The following IQCH variants were observed in gnomAD, a reference collection of about 807,000 sequenced individuals.
IQCH encodes the protein IQ motif containing H.
Under a neutral mutation model 117.0 loss-of-function variants are expected in IQCH, and 98 were observed. The observed-to-expected ratio is 0.84, with a 90% CI of 0.71 to 0.99. IQCH has a LOEUF of 0.99. IQCH is among the 50% of genes least tolerant of loss of function. The pLI, the probability that IQCH is intolerant of heterozygous loss-of-function variation, is 0.00. For synonymous variants in IQCH, 412 were observed against 448.2 expected, an observed-to-expected ratio of 0.92 and a Z score of 1.02; for missense variants, 1,102 against 1,243.8, an observed-to-expected ratio of 0.89 and a Z score of 1.72.
chr15:67,362,136 A>G (rs1214855302), intron 8 of IQCH, among the ~76,000 whole-genome samples: 1 of 98,678 alleles, frequency 1.0e-5, no homozygotes, highest in African/African-American at 3.7e-5. Flanking sequence ...TATAACATAC[A>G]TATACGCACA....
rs1478322917 is a variant in IQCH, at chr15:67,425,739, C to T, written c.2505+4162C>T. Among the ~76,000 whole-genome samples the T allele has an allele frequency of 1.3e-5, 2 of 152,122 alleles. No individual in the cohort carries two copies. Among genetic ancestry groups the T allele is most frequent in the African/African-American group, 2.4e-5 (1 of 41,426 alleles). ...CAGAAAACTTAGCATCCATTGGCAA[C>T]TTTTTCCACTACCACTACGATAGTG... On this transcript the variant is annotated intron_variant, in intron 16 of 20. Coordinates refer to ENST00000335894, the MANE Select transcript of IQCH (RefSeq NM_001031715.3). This position sits in a 1 kb window ranked among gnomAD's most constrained non-coding sequence, Gnocchi z 5.5.
In IQCH at chr15:67,470,083, G is replaced by A. The variant is rs558976882; in HGVS notation, c.2676+4786G>A. ...TATTGCCATTATCCATTGGCTTCTCGTCTGCTCTGAGCTCAGCCTCAGCTT... is the reference window on the plus strand; with the variant it reads ...TATTGCCATTATCCATTGGCTTCTCATCTGCTCTGAGCTCAGCCTCAGCTT... On this transcript the variant is annotated intron_variant, in intron 17 of 20. Transcript: ENST00000335894. Among the ~76,000 whole-genome samples, 7 of 152,324 alleles carry A rather than the reference G, an allele frequency of 4.6e-5. No individual in the cohort carries two copies. In the East Asian group the frequency reaches 5.8e-4, roughly 13 times the overall value.
chr15:67,480,028 G>C (rs1290176717), intron 18 of IQCH, among the ~76,000 whole-genome samples: 2 of 152,184 alleles, frequency 1.3e-5, no homozygotes, highest in Admixed American at 1.3e-4. Flanking sequence ...ATGAAATGAA[G>C]TTGTAATGAA....
chr15:67,373,324 C>T (rs1970618927), intron 9 of IQCH, 43 bp from the exon 10 acceptor site: 1 of 1,408,716 alleles, frequency 7.1e-7, no homozygotes, highest in Admixed American at 1.7e-5. Flanking sequence ...GATGAATCCA[C>T]TACAGCTTCC....
rs2082367646 is a variant in IQCH, at chr15:67,445,361, T to G, written c.2506-19766T>G. ...GCCCTTATAAATAAATAAATGAAAT[T>G]GCTTCTTTTCTTAAAGACTTTATCT... On this transcript the variant is annotated intron_variant, in intron 16 of 20. Transcript: ENST00000335894. This position sits in a 1 kb window ranked among gnomAD's most constrained non-coding sequence, Gnocchi z 4.3. Among the ~76,000 whole-genome samples the G allele has an allele frequency of 6.6e-6, 1 of 152,182 alleles. No individual in the cohort carries two copies. Among genetic ancestry groups the G allele is most frequent in the Non-Finnish European group, 1.5e-5 (1 of 68,028 alleles).
At chr15:67,281,410 C>T (rs1340113893) in intron 4 of IQCH, among the ~76,000 whole-genome samples, 2 of 152,108 alleles carry the variant, frequency 1.3e-5, no homozygotes, top group Admixed American at 6.5e-5. Flanking sequence ...TATATATCAT[C>T]TTGAGGTTAC....
chr15:67,264,171 C>A (rs1315900258), intron 3 of IQCH, among the ~76,000 whole-genome samples: 5 of 152,218 alleles, frequency 3.3e-5, no homozygotes, highest in Non-Finnish European at 5.9e-5. Context: ...TAGAGGCAGC[C>A]CTTTCCTGGT....
rs5813439 is a variant in IQCH, at chr15:67,362,149, C to CCACACACACA, written c.753+2277_753+2286dup. Among the ~76,000 whole-genome samples the CCACACACACA allele has an allele frequency of 6.7e-4, 101 of 150,514 alleles. 1 individual carries two copies. In the Middle Eastern group the frequency reaches 0.02, roughly 30 times the overall value. On this transcript the variant is annotated intron_variant, in intron 8 of 20. Coordinates refer to ENST00000335894, the MANE Select transcript of IQCH (RefSeq NM_001031715.3). ...TATATAACATACATATACGCACACA[C>CCACACACACA]CACACACACACACACACACACATAC...
In IQCH at chr15:67,369,800, C is replaced by G. The variant is rs983906254; in HGVS notation, c.754-2311C>G. ...TGATGCACTGCTTTAATTTGGGAAG[C>G]CTTTCTCTTGAGAGGCATGTCTTTT... On this transcript the variant is annotated intron_variant, in intron 8 of 20. Transcript: ENST00000335894. The surrounding 1 kb of genome is among the most constrained non-coding windows in gnomAD (Gnocchi z 5.2). 1.3e-5 allele frequency among the ~76,000 whole-genome samples: 2 copies of G among 152,156 alleles called. No homozygotes were observed. The highest frequency in any genetic ancestry group is 4.8e-5 in the African/African-American group (2 of 41,436).
At chr15:67,450,256 T>C (rs1368138526) in intron 16 of IQCH, among the ~76,000 whole-genome samples, 1 of 152,204 alleles carries the variant, frequency 6.6e-6, no homozygotes, top group East Asian at 1.9e-4. Context: ...CTTCCAACAC[T>C]ATGTTGAATA....
chr15:67,469,213 A>G (rs1356199535), intron 17 of IQCH, among the ~76,000 whole-genome samples: 1 of 152,096 alleles, frequency 6.6e-6, no homozygotes, highest in Non-Finnish European at 1.5e-5. Context: ...TTTGGAGTGA[A>G]GAGTACTGGT....
chr15:67,351,829 A>AT lies in IQCH; in HGVS notation c.638-5509dup, dbSNP rs544783326. On this transcript the variant is annotated intron_variant, in intron 6 of 20. Coordinates refer to ENST00000335894, the MANE Select transcript of IQCH (RefSeq NM_001031715.3). ...TTGTTTGCCTGGCATATCTTTTCTCATTTTTTTACTTTTAATCTTTCTGTA... is the reference window on the plus strand; with the variant it reads ...TTGTTTGCCTGGCATATCTTTTCTCATTTTTTTTACTTTTAATCTTTCTGTA... Among the ~76,000 whole-genome samples, 16 of 151,650 alleles carry AT rather than the reference A, an allele frequency of 1.1e-4. No homozygotes were observed. In the East Asian group the frequency reaches 2.7e-3, roughly 26 times the overall value.
intron 4 of IQCH, among the ~76,000 whole-genome samples, chr15:67,315,856 T>G (rs1201194948): frequency 6.6e-6 from 1 of 152,112 alleles, no homozygotes; most frequent in Non-Finnish European, 1.5e-5. Context: ...GTGGCACATC[T>G]CCTTGTCACT....
rs1288898668 is a variant in IQCH at position 67,372,503 on chromosome 15, CT to C, written c.1147del (p.Tyr383ThrfsTer19). On this transcript the variant is annotated frameshift_variant, in exon 9 of 21. Transcript: ENST00000335894. LOFTEE classifies it high-confidence loss of function. ...TGAAGATCCAAGCCACATGGAAATGCTACAAAGCAAGAAAATTCTTCCTCTT... is the reference window on the plus strand; with the variant it reads ...TGAAGATCCAAGCCACATGGAAATGCACAAAGCAAGAAAATTCTTCCTCTT... ...AMKIQATWKCYKARKFFLFYR... is the reference protein window; with the variant it reads ...AMKIQATWKCXKARKFFLFYR... The C allele has an allele frequency of 1.2e-6, 2 of 1,614,034 alleles. No homozygotes were observed. Among genetic ancestry groups the C allele is most frequent in the Non-Finnish European group, 1.7e-6 (2 of 1,179,964 alleles).
At chr15:67,260,493 G>A (rs1275560318) in intron 1 of IQCH, among the ~76,000 whole-genome samples, 1 of 152,196 alleles carries the variant, frequency 6.6e-6, no homozygotes, top group Non-Finnish European at 1.5e-5. Context: ...GGAAGACCCA[G>A]CCTGGAATGG....
rs186981316 is a variant in IQCH, at chr15:67,326,765, A to G, written c.388-10210A>G. On this transcript the variant is annotated intron_variant, in intron 4 of 20. Transcript: ENST00000335894. Reference sequence around the variant, plus strand: ...ATAGAAAACAACAATTTTCAGATGAATATATAAACATATTTCAATATCAAA... The same window carrying G: ...ATAGAAAACAACAATTTTCAGATGAGTATATAAACATATTTCAATATCAAA... 6.7e-4 allele frequency among the ~76,000 whole-genome samples: 102 copies of G among 152,354 alleles called. 3 individuals carry two copies. In the East Asian group the frequency reaches 0.012, roughly 18 times the overall value.
intron 17 of IQCH, among the ~76,000 whole-genome samples, chr15:67,468,859 G>A (rs2082999431): frequency 6.6e-6 from 1 of 152,132 alleles, no homozygotes; most frequent in Non-Finnish European, 1.5e-5. Context: ...TAATTTTCAG[G>A]CAGAGATTTA....
intron 4 of IQCH, among the ~76,000 whole-genome samples, chr15:67,306,274 G>A (rs1967289630): frequency 6.6e-6 from 1 of 152,078 alleles, no homozygotes; most frequent in Admixed American, 6.6e-5. Context: ...GGGGATAAAT[G>A]CAGTTGTGAT....
Position 67,493,326 on chromosome 15 carries a change from G to A in IQCH, c.2862-932G>A, listed in dbSNP as rs2083711956. Among the ~76,000 whole-genome samples, 2 of 152,168 alleles carry A rather than the reference G, an allele frequency of 1.3e-5. No individual in the cohort carries two copies. Among genetic ancestry groups the A allele is most frequent in the South Asian group, 2.1e-4 (1 of 4,824 alleles). On this transcript the variant is annotated intron_variant, in intron 19 of 20. Coordinates refer to ENST00000335894, the MANE Select transcript of IQCH (RefSeq NM_001031715.3). This position sits in a 1 kb window ranked among gnomAD's most constrained non-coding sequence, Gnocchi z 5.1. ...TGGTCTGTCTCCTGATCCTGAACTTGGTGTTCCTTTCACTATACCACAAAG... is the reference window on the plus strand; with the variant it reads ...TGGTCTGTCTCCTGATCCTGAACTTAGTGTTCCTTTCACTATACCACAAAG...
Sources: gnomAD v4.1 joint callset for allele counts (sites outside exome capture counted in the v4.1 genomes callset) on GRCh38, gnomAD v4.1.1 for gene constraint, Gnocchi (gnomAD v3.1) non-coding constraint, MANE v1.5 for transcripts, NCBI Gene and HGNC (gene_info 2026-07-23, HGNC 2026-07-21) for gene names.